ANGPT1: variants seen among roughly 807,000 people sequenced by gnomAD.
The protein encoded by ANGPT1 is angiopoietin 1.
In ANGPT1, 17 loss-of-function variants were observed where a neutral mutation model predicts 62.2. The ratio of observed to expected loss-of-function variants is 0.27; its 90% confidence interval spans 0.19 to 0.41. The LOEUF (loss-of-function observed/expected upper bound fraction) is 0.41, where lower values mean the gene tolerates loss of function less well. Ranked by LOEUF, ANGPT1 falls within the 10% of genes least tolerant of loss-of-function variation. ANGPT1 has a pLI of 1.00. For synonymous variants in ANGPT1, 199 were observed against 198.9 expected, an observed-to-expected ratio of 1.00 and a Z score of 0.00; for missense variants, 478 against 594.9, an observed-to-expected ratio of 0.80 and a Z score of 2.04.
intron 4 of ANGPT1, among the ~76,000 whole-genome samples, chr8:107,309,396 G>C (rs1814796296): frequency 6.6e-6 from 1 of 152,096 alleles, no homozygotes; most frequent in African/African-American, 2.4e-5. Flanking sequence ...CATCTGACAA[G>C]GTGCAAACAA....
intron 1 of ANGPT1, among the ~76,000 whole-genome samples, chr8:107,479,956 G>C (rs769818532): frequency 2.6e-5 from 4 of 152,106 alleles, no homozygotes; most frequent in African/African-American, 7.2e-5. Context: ...ATGTGAAACT[G>C]AAATAGTTAA....
At chr8:107,462,564 T>C (rs1385464142) in intron 1 of ANGPT1, among the ~76,000 whole-genome samples, 6 of 151,964 alleles carry the variant, frequency 3.9e-5, no homozygotes, top group Non-Finnish European at 8.8e-5. Flanking sequence ...ATCATCAGGA[T>C]TCCATTGCTG....
chr8:107,413,645 T>A (rs1303776733), intron 1 of ANGPT1, among the ~76,000 whole-genome samples: 1 of 150,200 alleles, frequency 6.7e-6, no homozygotes, highest in African/African-American at 2.4e-5. Flanking sequence ...TATTTAATGT[T>A]GAAATATTAA....
chr8:107,381,371 A>G (rs1816633352), intron 1 of ANGPT1, among the ~76,000 whole-genome samples: 1 of 152,154 alleles, frequency 6.6e-6, no homozygotes, highest in South Asian at 2.1e-4. Context: ...ACAGGCAGCT[A>G]TGACATTACC....
intron 1 of ANGPT1, among the ~76,000 whole-genome samples, chr8:107,491,103 A>G (rs1046378076): frequency 2.6e-5 from 4 of 152,236 alleles, no homozygotes; most frequent in Non-Finnish European, 4.4e-5. Context: ...AGAGCCAACT[A>G]TGCTGTAAGC....
At chr8:107,393,444 A>G (rs1816873669) in intron 1 of ANGPT1, among the ~76,000 whole-genome samples, 1 of 152,202 alleles carries the variant, frequency 6.6e-6, no homozygotes, top group Admixed American at 6.5e-5. Flanking sequence ...ATTGTATGCT[A>G]ATTATATCTC....
At chr8:107,321,443 C>T (rs913105841) in intron 4 of ANGPT1, among the ~76,000 whole-genome samples, 3 of 152,108 alleles carry the variant, frequency 2.0e-5, no homozygotes, top group Non-Finnish European at 4.4e-5. Flanking sequence ...TTCTCTGCAA[C>T]CCACAATTTC....
intron 3 of ANGPT1, among the ~76,000 whole-genome samples, chr8:107,333,761 C>A (rs1815480586): frequency 6.6e-6 from 1 of 151,720 alleles, no homozygotes; most frequent in African/African-American, 2.4e-5. Context: ...GCAGAGAGAA[C>A]AACTTTAAAG....
At chr8:107,283,987 C>T (rs978241516) in intron 7 of ANGPT1, 5 of 152,196 alleles carry the variant, frequency 3.3e-5, no homozygotes, top group African/African-American at 1.2e-4. Context: ...AATGAATCCA[C>T]CACATCACAT....
chr8:107,254,701 C>T (rs1813319165), intron 8 of ANGPT1, among the ~76,000 whole-genome samples: 2 of 151,948 alleles, frequency 1.3e-5, no homozygotes, highest in Non-Finnish European at 2.9e-5. Flanking sequence ...TGTGTAGGGA[C>T]ATCAGTGCAA....
At position 107,292,030 on chromosome 8, in the gene ANGPT1, C is replaced by A. The variant is rs188061407; in HGVS notation, c.1038+1906G>T. 2.2e-3 allele frequency among the ~76,000 whole-genome samples: 338 copies of A among 152,102 alleles called. 3 individuals carry two copies. Among genetic ancestry groups the A allele is most frequent in the African/African-American group, 7.4e-3 (307 of 41,508 alleles). On this transcript the variant is annotated intron_variant, in intron 6 of 8. Coordinates refer to ENST00000517746, the MANE Select transcript of ANGPT1 (RefSeq NM_001146.5). ...TTCATTATTGCACTCCCCTCTCAGG[C>A]AGTGTTCAAATGCACATTCTAATTC...
intron 5 of ANGPT1, among the ~76,000 whole-genome samples, chr8:107,300,118 GTA>G (rs1171955156): frequency 4.9e-5 from 7 of 141,610 alleles, no homozygotes; most frequent in African/African-American, 1.6e-4. Context: ...TCTATATATA[GTA>G]TATATATAGT....
intron 1 of ANGPT1, among the ~76,000 whole-genome samples, chr8:107,353,625 A>G (rs1405318979): frequency 6.6e-6 from 1 of 152,016 alleles, no homozygotes; most frequent in East Asian, 1.9e-4. Flanking sequence ...TTTTCTTCAG[A>G]TGCATCACCT....
At chr8:107,375,632 G>A (rs538757241) in intron 1 of ANGPT1, among the ~76,000 whole-genome samples, 1 of 152,280 alleles carries the variant, frequency 6.6e-6, no homozygotes, top group South Asian at 2.1e-4. Flanking sequence ...CAAGAAGAGT[G>A]GACGAGGGAC....
At chr8:107,476,659 A>G (rs1483605553) in intron 1 of ANGPT1, among the ~76,000 whole-genome samples, 3 of 152,166 alleles carry the variant, frequency 2.0e-5, no homozygotes, top group Non-Finnish European at 4.4e-5. Context: ...TAGAAAAATG[A>G]GAATGGAATC....
chr8:107,483,246 C>T (rs929337171), intron 1 of ANGPT1, among the ~76,000 whole-genome samples: 4 of 152,074 alleles, frequency 2.6e-5, no homozygotes, highest in Non-Finnish European at 5.9e-5. Context: ...AGTATGTAAG[C>T]TTTAGTCTCA....
At chr8:107,442,831 C>T (rs538688844) in intron 1 of ANGPT1, among the ~76,000 whole-genome samples, 4 of 152,154 alleles carry the variant, frequency 2.6e-5, no homozygotes, top group South Asian at 2.1e-4. Context: ...AGTAACTCAG[C>T]CTGCTAAGTA....
chr8:107,392,941 G>T (rs1168584701), intron 1 of ANGPT1, among the ~76,000 whole-genome samples: 3 of 152,078 alleles, frequency 2.0e-5, no homozygotes, highest in African/African-American at 7.2e-5. Context: ...TTCATTCCAT[G>T]GATCTCTTTG....
At chr8:107,296,684 C>A (rs1028364383) in intron 5 of ANGPT1, among the ~76,000 whole-genome samples, 3 of 152,008 alleles carry the variant, frequency 2.0e-5, no homozygotes, top group Non-Finnish European at 4.4e-5. Context: ...TTTCTAGAAG[C>A]AGCTAATATC....
Sources: gnomAD v4.1 joint callset for allele counts (sites outside exome capture counted in the v4.1 genomes callset) on GRCh38, gnomAD v4.1.1 for gene constraint, MANE v1.5 for transcripts, NCBI Gene and HGNC (gene_info 2026-07-23, HGNC 2026-07-21) for gene names.